The following TBL1X variants were observed in gnomAD, a reference collection of about 807,000 sequenced individuals.
The protein encoded by TBL1X is transducin beta like 1 X-linked.
TBL1X carries 10 observed loss-of-function variants against 50.7 expected under a neutral mutation model. The ratio of observed to expected loss-of-function variants is 0.20; its 90% confidence interval spans 0.12 to 0.33. The LOEUF is 0.33. Ranked by LOEUF, TBL1X falls within the 10% of genes least tolerant of loss-of-function variation. The pLI, the probability that TBL1X is intolerant of heterozygous loss-of-function variation, is 1.00. For missense variants in TBL1X, 340 were observed against 504.4 expected, an observed-to-expected ratio of 0.67 and a Z score of 3.12; for synonymous variants, 190 against 214.7, an observed-to-expected ratio of 0.88 and a Z score of 1.01.
At chrX:9,578,037 A>G (rs999651655) in intron 2 of TBL1X, among the ~76,000 whole-genome samples, 1 of 112,035 alleles carries the variant, frequency 8.9e-6, no homozygotes, top group African/African-American at 3.2e-5. Flanking sequence ...AGCTGACCCT[A>G]GACCATGCGT....
rs756966539 is a variant in TBL1X at position 9,693,036 on chromosome X, G to C, written c.892-113G>C. The C allele has an allele frequency of 2.4e-5, 17 of 705,426 alleles. No homozygotes were observed. In the East Asian group the frequency reaches 5.1e-4, roughly 21 times the overall value. 58.1% of individuals were successfully genotyped at this position (705,426 alleles called of 1,213,427 possible). On this transcript the variant is annotated intron_variant, in intron 9 of 17. Coordinates refer to ENST00000645353, the MANE Select transcript of TBL1X (RefSeq NM_005647.4). Reference sequence around the variant, plus strand: ...TTTCAATTCTGTCATTAAAGAACACGCAGTGGCAAATGGTTCCAGTGTACC... The same window carrying C: ...TTTCAATTCTGTCATTAAAGAACACCCAGTGGCAAATGGTTCCAGTGTACC...
At chrX:9,616,155 A>C (rs951151330) in intron 2 of TBL1X, among the ~76,000 whole-genome samples, 1 of 111,870 alleles carries the variant, frequency 8.9e-6, no homozygotes, top group Non-Finnish European at 1.9e-5. Flanking sequence ...GTGTCCTGTA[A>C]GTTTCAGATT....
At chrX:9,589,704 C>T (rs769573099) in intron 2 of TBL1X, among the ~76,000 whole-genome samples, 2 of 111,417 alleles carry the variant, frequency 1.8e-5, no homozygotes, top group African/African-American at 3.3e-5. Flanking sequence ...AAAGAATACC[C>T]GTAAAGCAAA....
At chrX:9,570,681 T>G (rs2082380805) in intron 2 of TBL1X, among the ~76,000 whole-genome samples, 1 of 95,283 alleles carries the variant, frequency 1.0e-5, no homozygotes, top group South Asian at 5.4e-4. Context: ...TCTTTTTGTT[T>G]TTTTTTTTTT....
At chrX:9,686,551 T>C (rs1392020075) in intron 6 of TBL1X, among the ~76,000 whole-genome samples, 2 of 111,879 alleles carry the variant, frequency 1.8e-5, no homozygotes, top group Non-Finnish European at 3.8e-5. Flanking sequence ...TAAAAAAAAT[T>C]AGCCAGGTGC....
intron 2 of TBL1X, among the ~76,000 whole-genome samples, chrX:9,625,354 T>C (rs2082687015): frequency 8.9e-6 from 1 of 112,174 alleles, no homozygotes; most frequent in African/African-American, 3.2e-5. Flanking sequence ...TATTTTAATA[T>C]GTGAATTCAT....
chrX:9,680,941 G>A (rs1232656464), intron 5 of TBL1X, among the ~76,000 whole-genome samples: 1 of 112,345 alleles, frequency 8.9e-6, no homozygotes, highest in African/African-American at 3.2e-5. Context: ...AGTCTCAGAC[G>A]CCACATCCTT....
Position 9,717,474 on chromosome X carries a change from C to T in TBL1X, c.*1228C>T, listed in dbSNP as rs1337730703. 8.9e-6 allele frequency: 1 copy of T among 111,944 alleles called. No homozygotes were observed. Among genetic ancestry groups the T allele is most frequent in the African/African-American group, 3.2e-5 (1 of 30,821 alleles). The allele number at this position is 111,944 out of a possible 1,213,427, so 9.2% of individuals were successfully genotyped here. ...GTCAGCAGCGAGATTGCTCTGCAGC[C>T]AGTGAGGGAGGTCCCCGCCATGCCG... is the stretch of plus-strand genomic sequence containing the variant. On this transcript the variant is annotated 3_prime_UTR_variant, in exon 18 of 18. Transcript: ENST00000645353.
chrX:9,651,011 C>CTTTT (rs572743375), intron 3 of TBL1X, among the ~76,000 whole-genome samples: 12 of 30,932 alleles, frequency 3.9e-4, no homozygotes, highest in African/African-American at 6.9e-4. Flanking sequence ...AGCTGCCAGC[C>CTTTT]TTTTTTTTTT....
chrX:9,709,325 A>G lies in TBL1X; in HGVS notation c.1311+3A>G, dbSNP rs1003461865. 10 of 1,209,771 alleles carry G rather than the reference A, an allele frequency of 8.3e-6. No homozygotes were observed. Among genetic ancestry groups the G allele is most frequent in the South Asian group, 5.3e-5 (3 of 56,711 alleles). On this transcript the variant is annotated splice_donor_region_variant and intron_variant, in intron 14 of 17. Coordinates refer to ENST00000645353, the MANE Select transcript of TBL1X (RefSeq NM_005647.4). ...GCTCGGATGACATGACATTGAAGGT[A>G]GAGTCGGCATGGCAAGGGGTGGGCT... is the stretch of plus-strand genomic sequence containing the variant.
intron 2 of TBL1X, among the ~76,000 whole-genome samples, chrX:9,607,178 A>G (rs2082587913): frequency 1.8e-5 from 2 of 112,430 alleles, no homozygotes; most frequent in Admixed American, 1.9e-4. Flanking sequence ...CCATAAACAC[A>G]GAGCACAGTC....
At chrX:9,475,619 A>G (rs2081845199) in intron 1 of TBL1X, among the ~76,000 whole-genome samples, 1 of 109,218 alleles carries the variant, frequency 9.2e-6, no homozygotes, top group Non-Finnish European at 1.9e-5. Flanking sequence ...CATAAAAATT[A>G]TATTCACAAC....
intron 2 of TBL1X, among the ~76,000 whole-genome samples, chrX:9,514,856 T>C (rs1328993731): frequency 8.9e-6 from 1 of 112,202 alleles, no homozygotes; most frequent in African/African-American, 3.2e-5. Flanking sequence ...GAACATAAAT[T>C]GAGCAGAAGA....
At chrX:9,515,537 A>T (rs2082077384) in intron 2 of TBL1X, among the ~76,000 whole-genome samples, 1 of 112,135 alleles carries the variant, frequency 8.9e-6, no homozygotes, top group Non-Finnish European at 1.9e-5. Context: ...AGATCATCGA[A>T]CATCCCCGTC....
At chrX:9,560,766 A>G (rs751508118) in intron 2 of TBL1X, among the ~76,000 whole-genome samples, 2 of 111,632 alleles carry the variant, frequency 1.8e-5, no homozygotes, top group African/African-American at 3.3e-5. Context: ...GGGGCCATTC[A>G]TGAAGGTGAT....
At chrX:9,570,853 A>T (rs370060715) in intron 2 of TBL1X, among the ~76,000 whole-genome samples, 3 of 109,014 alleles carry the variant, frequency 2.8e-5, no homozygotes, top group East Asian at 5.8e-4. Flanking sequence ...AATTTTTTGT[A>T]GTTTTAGTAG....
chrX:9,647,360 A>G (rs2082810475), intron 3 of TBL1X, among the ~76,000 whole-genome samples: 1 of 112,410 alleles, frequency 8.9e-6, no homozygotes, highest in Non-Finnish European at 1.9e-5. Flanking sequence ...TAAGCAGCAC[A>G]GTGAGAGAAT....
chrX:9,468,101 A>T (rs1407379312), intron 1 of TBL1X, among the ~76,000 whole-genome samples: 1 of 112,306 alleles, frequency 8.9e-6, no homozygotes, highest in Non-Finnish European at 1.9e-5. Context: ...ATTTAAAGTT[A>T]AGATGGAAGA....
At chrX:9,513,771 T>C (rs1379971949) in intron 2 of TBL1X, among the ~76,000 whole-genome samples, 2 of 109,641 alleles carry the variant, frequency 1.8e-5, no homozygotes, top group Admixed American at 9.9e-5. Context: ...CTGGGTAATT[T>C]AGAGGTTTAT....
Sources: allele counts gnomAD v4.1 joint callset (sites outside exome capture counted in the v4.1 genomes callset), GRCh38; gene constraint gnomAD v4.1.1; transcripts MANE v1.5; gene names NCBI Gene and HGNC (gene_info 2026-07-23, HGNC 2026-07-21).